SORCS2: variants seen among roughly 807,000 people sequenced by gnomAD.
SORCS2 encodes the protein sortilin related VPS10 domain containing receptor 2.
A neutral mutation model predicts 141.6 loss-of-function variants in SORCS2; 100 were observed. The observed-to-expected ratio is 0.71, with a 90% confidence interval of 0.60 to 0.83. SORCS2 has a LOEUF of 0.83. Among genes scored for constraint, SORCS2 ranks in the 40% least tolerant of loss-of-function variants. The pLI is 0.00. For missense variants in SORCS2, 1,646 were observed against 1,560.2 expected, an observed-to-expected ratio of 1.05 and a Z score of -0.93; for synonymous variants, 789 against 676.9, an observed-to-expected ratio of 1.17 and a Z score of -2.57.
At chr4:7,427,591 T>A (rs1375211262) in intron 2 of SORCS2, among the ~76,000 whole-genome samples, 2 of 152,048 alleles carry the variant, frequency 1.3e-5, no homozygotes, top group African/African-American at 4.8e-5. Context: ...TATAAAGAAA[T>A]GCCCGAGTCT....
chr4:7,676,303 T>TC (rs1314299509), intron 9 of SORCS2, 74 bp downstream of exon 9: 1 of 1,423,924 alleles, frequency 7.0e-7, no homozygotes, highest in Non-Finnish European at 9.4e-7. Flanking sequence ...CACCTCTTCC[T>TC]CCCCCCTCCC....
At chr4:7,474,386 C>T (rs75439553) in intron 2 of SORCS2, among the ~76,000 whole-genome samples, 3,372 of 152,320 alleles carry the variant, frequency 0.022, 105 homozygotes, top group African/African-American at 0.075. Flanking sequence ...GCATCCCTCC[C>T]TTCAATGTCA....
intron 1 of SORCS2, among the ~76,000 whole-genome samples, chr4:7,224,120 C>T (rs1210761215): frequency 6.6e-6 from 1 of 152,148 alleles, no homozygotes; most frequent in Non-Finnish European, 1.5e-5. Flanking sequence ...CTCTAGGCAC[C>T]GCAGCAGGAT....
chr4:7,533,711 G>C (rs1414275110), intron 3 of SORCS2, among the ~76,000 whole-genome samples: 1 of 152,248 alleles, frequency 6.6e-6, no homozygotes, highest in African/African-American at 2.4e-5. Context: ...GGTCAGGCAA[G>C]GTGTCACATG....
At chr4:7,380,108 G>A (rs1205102963) in intron 1 of SORCS2, among the ~76,000 whole-genome samples, 3 of 151,992 alleles carry the variant, frequency 2.0e-5, no homozygotes, top group African/African-American at 7.2e-5. Flanking sequence ...TCATGCCTCA[G>A]AAAGCCCGGA....
At chr4:7,381,081 C>CAAAA (rs1560235296) in intron 1 of SORCS2, among the ~76,000 whole-genome samples, 6 of 54,912 alleles carry the variant, frequency 1.1e-4, no homozygotes, top group Non-Finnish European at 2.0e-4. Flanking sequence ...GACTCTGTCT[C>CAAAA]CAAAAAAAAA....
chr4:7,198,774 G>T (rs1292108137), intron 1 of SORCS2, among the ~76,000 whole-genome samples: 1 of 152,192 alleles, frequency 6.6e-6, no homozygotes, highest in Non-Finnish European at 1.5e-5. Context: ...GCTGGATGAA[G>T]AACCATGAGG....
chr4:7,235,318 C>G (rs371340136), intron 1 of SORCS2, among the ~76,000 whole-genome samples: 71 of 152,358 alleles, frequency 4.7e-4, no homozygotes, highest in African/African-American at 1.7e-3. Context: ...CAGGACCCTC[C>G]TTCTTAGGCA....
intron 1 of SORCS2, among the ~76,000 whole-genome samples, chr4:7,266,888 C>T (rs1251354669): frequency 1.3e-5 from 2 of 152,042 alleles, no homozygotes; most frequent in African/African-American, 4.8e-5. Context: ...GTCGCCACGC[C>T]ATAACTGCCT....
intron 2 of SORCS2, among the ~76,000 whole-genome samples, chr4:7,452,910 TGCTGTGTTGAGGTCAGGA>T (rs1728568772): frequency 3.8e-4 from 38 of 100,124 alleles, no homozygotes; most frequent in African/African-American, 1.3e-3. Flanking sequence ...TGGGGTCAGG[TGCTGTGTTGAGGTCAGGA>T]GCTGTGTGTT....
At chr4:7,296,328 C>T (rs1717049719) in intron 1 of SORCS2, among the ~76,000 whole-genome samples, 1 of 152,244 alleles carries the variant, frequency 6.6e-6, no homozygotes, top group Non-Finnish European at 1.5e-5. Flanking sequence ...CAGTGGTGAG[C>T]TCGTGTTAGC....
chr4:7,513,803 A>G (rs1577681165), intron 2 of SORCS2, among the ~76,000 whole-genome samples: 1 of 152,320 alleles, frequency 6.6e-6, no homozygotes, highest in East Asian at 1.9e-4. Context: ...GTCATTATTT[A>G]ACTCTCAAAT....
chr4:7,437,773 A>G (rs1727404121), intron 2 of SORCS2, among the ~76,000 whole-genome samples: 2 of 152,110 alleles, frequency 1.3e-5, no homozygotes, highest in Non-Finnish European at 2.9e-5. Flanking sequence ...TGGCTGCAAG[A>G]AGGGTACAAG....
chr4:7,425,741 A>C (rs1726388999), intron 2 of SORCS2, among the ~76,000 whole-genome samples: 1 of 152,214 alleles, frequency 6.6e-6, no homozygotes, highest in South Asian at 2.1e-4. Context: ...AGCTGTCAGC[A>C]TTTAGGAATT....
At chr4:7,483,837 C>A (rs1730809027) in intron 2 of SORCS2, among the ~76,000 whole-genome samples, 1 of 152,042 alleles carries the variant, frequency 6.6e-6, no homozygotes, top group Non-Finnish European at 1.5e-5. Flanking sequence ...ATGGGTGCAG[C>A]AAACCACCAT....
chr4:7,533,035 G>A (rs1711791703), intron 3 of SORCS2, among the ~76,000 whole-genome samples: 1 of 152,060 alleles, frequency 6.6e-6, no homozygotes, highest in Non-Finnish European at 1.5e-5. Context: ...CCCAGCCCTG[G>A]GGATTCACAC....
At chr4:7,247,366 G>T (rs1376968101) in intron 1 of SORCS2, among the ~76,000 whole-genome samples, 2 of 150,958 alleles carry the variant, frequency 1.3e-5, no homozygotes, top group African/African-American at 2.4e-5. Flanking sequence ...TCCATTATCT[G>T]GTTTTCAGTG....
At chr4:7,226,422 C>T (rs1728993403) in intron 1 of SORCS2, among the ~76,000 whole-genome samples, 1 of 152,156 alleles carries the variant, frequency 6.6e-6, no homozygotes, top group Non-Finnish European at 1.5e-5. Flanking sequence ...GCAGTGTGTG[C>T]CCCATAGCTC....
intron 3 of SORCS2, among the ~76,000 whole-genome samples, chr4:7,584,448 C>A (rs975382115): frequency 6.6e-6 from 1 of 152,138 alleles, no homozygotes; most frequent in African/African-American, 2.4e-5. Flanking sequence ...ACATTTAGGT[C>A]TAGAAAGGAA....
Sources: allele counts gnomAD v4.1 joint callset (sites outside exome capture counted in the v4.1 genomes callset), GRCh38; gene constraint gnomAD v4.1.1; transcripts MANE v1.5; gene names NCBI Gene and HGNC (gene_info 2026-07-23, HGNC 2026-07-21).